The following ABI1 variants were observed in gnomAD, a reference collection of about 807,000 sequenced individuals.
ABI1 encodes the protein abl interactor 1, also known as Abelson interactor 1.
A neutral mutation model predicts 54.6 loss-of-function variants in ABI1; 14 were observed. The ratio of observed to expected loss-of-function variants is 0.26; its 90% confidence interval spans 0.17 to 0.40. The LOEUF (loss-of-function observed/expected upper bound fraction) is 0.40, where lower values mean the gene tolerates loss of function less well. Ranked by LOEUF, ABI1 falls within the 10% of genes least tolerant of loss-of-function variation. The probability of loss-of-function intolerance (pLI) is 1.00; values close to 1 mark genes in which losing one functional copy is unlikely to be tolerated. For synonymous variants in ABI1, 194 were observed against 209.3 expected (o/e 0.93, Z 0.63); for missense variants, 443 against 598.3 (o/e 0.74, Z 2.71).
chr10:26,856,891 C>T (rs2050862110), intron 1 of ABI1, among the ~76,000 whole-genome samples: 1 of 152,122 alleles, frequency 6.6e-6, no homozygotes, highest in South Asian at 2.1e-4. Context: ...TGAACTAACT[C>T]TAAGGTAGAG....
intron 3 of ABI1, among the ~76,000 whole-genome samples, chr10:26,772,556 G>C (rs1412233169): frequency 2.6e-5 from 4 of 152,108 alleles, no homozygotes; most frequent in Admixed American, 1.3e-4. Context: ...CTTGAACTCT[G>C]TGCTACTATG....
intron 2 of ABI1, among the ~76,000 whole-genome samples, chr10:26,799,684 T>C (rs1254616704): frequency 6.6e-6 from 1 of 152,234 alleles, no homozygotes; most frequent in Non-Finnish European, 1.5e-5. Context: ...TAGAAATAAG[T>C]TCTGCCATAA....
chr10:26,853,555 G>A (rs1461609926), intron 1 of ABI1, among the ~76,000 whole-genome samples: 6 of 136,292 alleles, frequency 4.4e-5, no homozygotes, highest in South Asian at 2.3e-4. Context: ...TTTTTGAGAC[G>A]GAGTCTCGCT....
chr10:26,808,579 C>G (rs140526261), intron 2 of ABI1, among the ~76,000 whole-genome samples: 2,349 of 151,862 alleles, frequency 0.015, 51 homozygotes, highest in African/African-American at 0.054. Flanking sequence ...AAAAATTAGC[C>G]GGGCATGGTG....
chr10:26,785,726 GAA>G (rs778056094), intron 2 of ABI1, among the ~76,000 whole-genome samples: 5 of 139,174 alleles, frequency 3.6e-5, no homozygotes, highest in Middle Eastern at 3.4e-3. Context: ...CTCTGTCTGG[GAA>G]AAAAAAAAAA....
chr10:26,820,645 T>C (rs1455916717), intron 2 of ABI1, among the ~76,000 whole-genome samples: 2 of 151,178 alleles, frequency 1.3e-5, no homozygotes, highest in South Asian at 2.1e-4. Flanking sequence ...TGGAGTACAG[T>C]GGCGCGATCT....
chr10:26,765,386 C>T (rs376505113), intron 6 of ABI1, 68 bp from the exon 7 acceptor site: 26 of 1,109,646 alleles, frequency 2.3e-5, no homozygotes, highest in South Asian at 2.2e-4. Context: ...ACTGTAATCA[C>T]CCAAGGCCAC....
chr10:26,760,493 T>C (rs931598009), intron 7 of ABI1, among the ~76,000 whole-genome samples: 1 of 152,228 alleles, frequency 6.6e-6, no homozygotes, highest in Non-Finnish European at 1.5e-5. Flanking sequence ...ATCATCCACA[T>C]GCTCATTTTC....
chr10:26,769,648 A>G (rs1840405351), intron 5 of ABI1, among the ~76,000 whole-genome samples: 1 of 152,232 alleles, frequency 6.6e-6, no homozygotes, highest in Non-Finnish European at 1.5e-5. Flanking sequence ...AGTATTCGCT[A>G]TATTTAGTAC....
intron 7 of ABI1, among the ~76,000 whole-genome samples, chr10:26,763,097 A>C (rs1839445343): frequency 6.6e-6 from 1 of 152,104 alleles, no homozygotes; most frequent in Non-Finnish European, 1.5e-5. Flanking sequence ...TTTTCTACCA[A>C]CAATTTCTAT....
chr10:26,793,406 T>C (rs901455706), intron 2 of ABI1, among the ~76,000 whole-genome samples: 10 of 152,178 alleles, frequency 6.6e-5, no homozygotes, highest in African/African-American at 2.4e-4. Flanking sequence ...GAATGACCCA[T>C]ATACACACCA....
chr10:26,847,671 G>A (rs908398903), intron 1 of ABI1, among the ~76,000 whole-genome samples: 3 of 151,448 alleles, frequency 2.0e-5, no homozygotes, highest in Admixed American at 6.6e-5. Flanking sequence ...AAGGGAAGAT[G>A]GAACTGAAAA....
At chr10:26,839,147 G>A (rs1047867701) in intron 1 of ABI1, among the ~76,000 whole-genome samples, 2 of 152,126 alleles carry the variant, frequency 1.3e-5, no homozygotes, top group African/African-American at 4.8e-5. Context: ...CATTTAACAC[G>A]TTTCTAGGTT....
intron 2 of ABI1, among the ~76,000 whole-genome samples, chr10:26,808,024 A>G (rs2046984428): frequency 6.6e-6 from 1 of 152,172 alleles, no homozygotes; most frequent in Non-Finnish European, 1.5e-5. Flanking sequence ...CCCAGGAGGC[A>G]GAGGTTGCAG....
chr10:26,836,778 A>G (rs1010350153), intron 1 of ABI1, among the ~76,000 whole-genome samples: 2 of 152,122 alleles, frequency 1.3e-5, no homozygotes. Flanking sequence ...CTAAATTCCT[A>G]CCTTGGAATT....
At chr10:26,848,200 C>CA (rs149066426) in intron 1 of ABI1, among the ~76,000 whole-genome samples, 1,373 of 78,314 alleles carry the variant, frequency 0.018, 38 homozygotes, top group African/African-American at 0.048. Context: ...GACCCTGTCT[C>CA]AAAAAAAAAA....
intron 1 of ABI1, chr10:26,839,705 C>T (rs771820350): frequency 7.5e-5 from 52 of 694,174 alleles, no homozygotes; most frequent in Non-Finnish European, 1.1e-4. Context: ...AATCCCAATG[C>T]GTTGGGAGGT....
chr10:26,764,046 G>C lies in ABI1; in HGVS notation c.820+1172C>G, dbSNP rs546254922. 8 of 1,020,570 alleles carry C rather than the reference G, an allele frequency of 7.8e-6. No individual in the cohort carries two copies. In the Middle Eastern group the frequency reaches 1.5e-3, roughly 186 times the overall value. 63.2% of individuals were successfully genotyped at this position (1,020,570 alleles called of 1,614,324 possible). A position where few individuals can be genotyped will look rare whatever the true frequency, so the allele number is the denominator to read the frequency against. ...ACAGCAAGAAAGTACAATGTATCGG[G>C]AAGAAAAAGAAAAAAGATACCCCCA... On this transcript the variant is annotated intron_variant, in intron 7 of 10. Transcript: ENST00000376140.
At chr10:26,827,083 T>G (rs2048349600) in intron 1 of ABI1, among the ~76,000 whole-genome samples, 1 of 149,664 alleles carries the variant, frequency 6.7e-6, no homozygotes, top group Non-Finnish European at 1.5e-5. Flanking sequence ...CTGCCTAATT[T>G]TTTGTATTTT....
Sources: allele counts gnomAD v4.1 joint callset (sites outside exome capture counted in the v4.1 genomes callset), GRCh38; gene constraint gnomAD v4.1.1; transcripts MANE v1.5; gene names NCBI Gene and HGNC (gene_info 2026-07-23, HGNC 2026-07-21).